Variants in TXNDC16 observed in about 807,000 individuals in gnomAD.
TXNDC16 encodes thioredoxin domain-containing protein 16.
TXNDC16 carries 74 observed loss-of-function variants against 85.6 expected under a neutral mutation model. That is an observed-to-expected ratio of 0.86 (90% confidence interval 0.72 to 1.05). TXNDC16 has a LOEUF of 1.05. Among genes scored for constraint, TXNDC16 ranks in the 50% least tolerant of loss-of-function variants. TXNDC16 has a pLI of 0.00. For missense variants in TXNDC16, 959 were observed against 947.0 expected, an observed-to-expected ratio of 1.01 and a Z score of -0.17; for synonymous variants, 335 against 326.5, an observed-to-expected ratio of 1.03 and a Z score of -0.28.
At chr14:52,441,620 AAAAAAC>A (rs1464413379) in intron 18 of TXNDC16, among the ~76,000 whole-genome samples, 3 of 151,556 alleles carry the variant, frequency 2.0e-5, no homozygotes, top group African/African-American at 4.8e-5. Flanking sequence ...AAAAAAACCC[AAAAAAC>A]AAAAACAAAA....
At position 52,506,691 on chromosome 14, in the gene TXNDC16, G is replaced by C. The variant is rs1388436655; in HGVS notation, c.756+4549C>G. Among the ~76,000 whole-genome samples the C allele has an allele frequency of 1.4e-5, 2 of 143,282 alleles. 1 individual carries two copies. The highest frequency in any genetic ancestry group is 5.3e-5 in the African/African-American group (2 of 37,684). The allele number at this position is 143,282 out of a possible 152,430, so 94.0% of individuals were successfully genotyped here. A position where few individuals can be genotyped will look rare whatever the true frequency, so the allele number is the denominator to read the frequency against. On this transcript the variant is annotated intron_variant, in intron 9 of 20. Coordinates refer to ENST00000281741, the MANE Select transcript of TXNDC16 (RefSeq NM_020784.3). Reference sequence around the variant, plus strand: ...CCTGCCTCAGCCTCCCGAGTAGCTGGGACTACAGGCGCCCGCCACCGCGCC... The same window carrying C: ...CCTGCCTCAGCCTCCCGAGTAGCTGCGACTACAGGCGCCCGCCACCGCGCC...
At chr14:52,498,106 T>C (rs2140163854) in intron 9 of TXNDC16, among the ~76,000 whole-genome samples, 1 of 152,240 alleles carries the variant, frequency 6.6e-6, no homozygotes, top group East Asian at 1.9e-4. Context: ...CACAATTTCA[T>C]GATAAAAACT....
At chr14:52,518,951 C>T (rs2037146543) in intron 7 of TXNDC16, among the ~76,000 whole-genome samples, 1 of 151,844 alleles carries the variant, frequency 6.6e-6, no homozygotes, top group African/African-American at 2.4e-5. Flanking sequence ...TGTCCAAGGG[C>T]TCACTACAAA....
At chr14:52,547,382 G>T (rs1205945232) in intron 1 of TXNDC16, among the ~76,000 whole-genome samples, 1 of 152,126 alleles carries the variant, frequency 6.6e-6, no homozygotes, top group African/African-American at 2.4e-5. Flanking sequence ...TACAGAAATG[G>T]AATGTAAATG....
intron 12 of TXNDC16, among the ~76,000 whole-genome samples, chr14:52,487,984 A>T (rs577260116): frequency 6.6e-6 from 1 of 152,354 alleles, no homozygotes; most frequent in African/African-American, 2.4e-5. Context: ...TACAAATATA[A>T]CAATATTTAT....
At chr14:52,456,904 A>G (rs8008680) in intron 17 of TXNDC16, among the ~76,000 whole-genome samples, 186 bp downstream of exon 17, 16,157 of 152,176 alleles carry the variant, frequency 0.11, 1,029 homozygotes, top group East Asian at 0.19. Context: ...TTGGTCTAAA[A>G]TAAAAGAATA....
chr14:52,535,825 C>A (rs2037687308), intron 6 of TXNDC16, among the ~76,000 whole-genome samples: 1 of 151,984 alleles, frequency 6.6e-6, no homozygotes, highest in Admixed American at 6.6e-5. Context: ...CAGAAAGAAA[C>A]CCAGCTGGGA....
At chr14:52,491,592 AAAAC>A (rs2036409528) in intron 9 of TXNDC16, among the ~76,000 whole-genome samples, 1 of 108,430 alleles carries the variant, frequency 9.2e-6, no homozygotes, top group Non-Finnish European at 1.8e-5. Context: ...TAAATAAACA[AAAAC>A]AATAAATAAG....
At chr14:52,499,545 T>C (rs2036608028) in intron 9 of TXNDC16, among the ~76,000 whole-genome samples, 1 of 150,476 alleles carries the variant, frequency 6.6e-6, no homozygotes, top group Admixed American at 6.6e-5. Flanking sequence ...TCACTAATCA[T>C]CGGGAAAATA....
In TXNDC16 at chr14:52,440,632, A is replaced by G. The variant is rs1377908633; in HGVS notation, c.1935T>C (p.Tyr645=). The part of the protein sequence containing the change: ...LFSDGTVNPQ[Y]KKAILTLVKQ... ...TTACCAGTGTCAATATTGCTTTTTT[A>G]TACTGAGGATTTACAGTGCCATCAC... The change falls in exon 19 of 21, where the codon TAT becomes TAC. Residue 645 remains tyrosine (Y), a synonymous_variant. Coordinates refer to ENST00000281741, the MANE Select transcript of TXNDC16 (RefSeq NM_020784.3). 1.2e-6 allele frequency: 2 copies of G among 1,610,636 alleles called. No individual in the cohort carries two copies. The highest frequency in any genetic ancestry group is 1.7e-5 in the Admixed American group (1 of 59,284).
intron 18 of TXNDC16, among the ~76,000 whole-genome samples, chr14:52,453,898 T>G (rs2035468002): frequency 6.6e-6 from 1 of 151,854 alleles, no homozygotes; most frequent in Non-Finnish European, 1.5e-5. Context: ...CTGGAAATGG[T>G]GGGGAGGGGG....
chr14:52,439,678 T>C (rs1036701421), intron 19 of TXNDC16, among the ~76,000 whole-genome samples: 12 of 152,208 alleles, frequency 7.9e-5, no homozygotes, highest in African/African-American at 2.9e-4. Context: ...CAATTTAGGC[T>C]TGACGCAACC....
At chr14:52,540,561 G>A (rs2037806788) in intron 4 of TXNDC16, among the ~76,000 whole-genome samples, 2 of 152,094 alleles carry the variant, frequency 1.3e-5, no homozygotes, top group African/African-American at 2.4e-5. Context: ...GGAGGCAGAG[G>A]TTGCAGTGAG....
chr14:52,449,584 C>CT (rs1220330757), intron 18 of TXNDC16, among the ~76,000 whole-genome samples: 1 of 152,058 alleles, frequency 6.6e-6, no homozygotes, highest in Non-Finnish European at 1.5e-5. Flanking sequence ...TTAATCTGCA[C>CT]TACAGACAAA....
chr14:52,519,491 G>A (rs1334953077), intron 6 of TXNDC16, among the ~76,000 whole-genome samples, 198 bp from the exon 7 acceptor site: 1 of 152,140 alleles, frequency 6.6e-6, no homozygotes, highest in Non-Finnish European at 1.5e-5. Flanking sequence ...ACATCAACCA[G>A]GGACAGTTGT....
rs530230595 is a variant in TXNDC16 at position 52,476,855 on chromosome 14, T to C, written c.1312+5375A>G. 6.2e-4 allele frequency among the ~76,000 whole-genome samples: 95 copies of C among 152,256 alleles called. 1 individual carries two copies. The highest frequency in any genetic ancestry group is 9.7e-4 in the Non-Finnish European group (66 of 68,006). On this transcript the variant is annotated intron_variant, in intron 14 of 20. Transcript: ENST00000281741. ...GGGAAATTAATCACAAGAAGATCAA[T>C]GCCTAGGCACATTGTCATCAGGTTA...
chr14:52,493,212 T>C (rs554297472), intron 9 of TXNDC16, among the ~76,000 whole-genome samples: 36,596 of 115,288 alleles, frequency 0.32, 5,055 homozygotes, highest in East Asian at 0.47. Context: ...TATATATATA[T>C]ATATACACAC....
At chr14:52,452,402 T>C (rs960676530) in intron 18 of TXNDC16, among the ~76,000 whole-genome samples, 3 of 151,994 alleles carry the variant, frequency 2.0e-5, no homozygotes, top group African/African-American at 7.2e-5. Flanking sequence ...AGAACAAAAC[T>C]GGAGGAATCA....
At chr14:52,507,924 T>A (rs1211855492) in intron 9 of TXNDC16, among the ~76,000 whole-genome samples, 1 of 152,244 alleles carries the variant, frequency 6.6e-6, no homozygotes, top group East Asian at 1.9e-4. Flanking sequence ...TCAAGATGGA[T>A]TAAAGACTTA....
Sources: gnomAD v4.1 joint callset for allele counts (sites outside exome capture counted in the v4.1 genomes callset) on GRCh38, gnomAD v4.1.1 for gene constraint, MANE v1.5 for transcripts, NCBI Gene and HGNC (gene_info 2026-07-23, HGNC 2026-07-21) for gene names.